The following SLC16A7 variants were observed in gnomAD, a reference collection of about 807,000 sequenced individuals.
The protein encoded by SLC16A7 is solute carrier family 16 member 7.
In SLC16A7, 33 loss-of-function variants were observed where a neutral mutation model predicts 34.9. The ratio of observed to expected loss-of-function variants is 0.94; its 90% CI spans 0.72 to 1.26. The LOEUF (loss-of-function observed/expected upper bound fraction) is 1.26, where lower values mean the gene tolerates loss of function less well. Among genes scored for constraint, SLC16A7 ranks in the 50% most tolerant of loss-of-function variants. The pLI, the probability that SLC16A7 is intolerant of heterozygous loss-of-function variation, is 0.00. For missense variants in SLC16A7, 573 were observed against 578.1 expected (o/e 0.99, Z 0.09); for synonymous variants, 201 against 206.6 (o/e 0.97, Z 0.23).
chr12:59,611,015 A>T (rs1879168762), intron 1 of SLC16A7, among the ~76,000 whole-genome samples: 1 of 152,180 alleles, frequency 6.6e-6, no homozygotes. Context: ...TGATTCACAG[A>T]TAGCAGTGTT....
chr12:59,688,271 A>G (rs939182927), intron 2 of SLC16A7, among the ~76,000 whole-genome samples: 3 of 152,060 alleles, frequency 2.0e-5, no homozygotes, highest in Non-Finnish European at 4.4e-5. Flanking sequence ...GAAAGCCATT[A>G]TTAGAACAAG....
At chr12:59,778,419 A>G (rs1436881213) in intron 5 of SLC16A7, among the ~76,000 whole-genome samples, 1 of 152,164 alleles carries the variant, frequency 6.6e-6, no homozygotes, top group Non-Finnish European at 1.5e-5. Context: ...TCTAGGGAGA[A>G]TGCTATGGAT....
intron 3 of SLC16A7, among the ~76,000 whole-genome samples, chr12:59,749,099 A>G (rs568843895): frequency 3.9e-5 from 6 of 152,274 alleles, no homozygotes; most frequent in East Asian, 3.9e-4. Context: ...TAGTTTGGGG[A>G]AAAAAATGCC....
At chr12:59,651,614 G>T (rs1868343393) in intron 1 of SLC16A7, among the ~76,000 whole-genome samples, 1 of 152,088 alleles carries the variant, frequency 6.6e-6, no homozygotes, top group Non-Finnish European at 1.5e-5. Flanking sequence ...TTTGCTTTTG[G>T]ACATCTAAGA....
chr12:59,641,251 C>A (rs1335128652), intron 1 of SLC16A7, among the ~76,000 whole-genome samples: 3 of 152,002 alleles, frequency 2.0e-5, no homozygotes, highest in East Asian at 3.9e-4. Flanking sequence ...TTCTTATAAT[C>A]CTTTTTAAAT....
intron 1 of SLC16A7, among the ~76,000 whole-genome samples, chr12:59,627,185 G>C (rs1277220977): frequency 6.6e-6 from 1 of 151,802 alleles, no homozygotes; most frequent in Non-Finnish European, 1.5e-5. Context: ...TGGAACCCAA[G>C]AGAGTTTATG....
chr12:59,609,514 G>A (rs1482144038), intron 1 of SLC16A7, among the ~76,000 whole-genome samples: 2 of 146,780 alleles, frequency 1.4e-5, no homozygotes, highest in Admixed American at 1.4e-4. Flanking sequence ...GGGTCGGGGG[G>A]CATAGGTAGA....
At position 59,672,323 on chromosome 12, in the gene SLC16A7, C is replaced by G. The variant is rs145273577; in HGVS notation, c.-31+17073C>G. ...ATATATATTCTCAGGTGTTGATGAG[C>G]AACAGTTTTATTTTTGAGTAAGTTT... is the stretch of plus-strand genomic sequence containing the variant. On this transcript the variant is annotated intron_variant, in intron 2 of 5. Coordinates refer to ENST00000547379, the MANE Select transcript of SLC16A7 (RefSeq NM_001270623.2). Among the ~76,000 whole-genome samples, 340 of 146,706 alleles carry G rather than the reference C, an allele frequency of 2.3e-3. 1 individual carries two copies. The highest frequency in any genetic ancestry group is 8.0e-3 in the African/African-American group (320 of 40,152).
intron 3 of SLC16A7, among the ~76,000 whole-genome samples, chr12:59,753,914 A>C (rs1331742117): frequency 4.6e-5 from 7 of 152,280 alleles, no homozygotes; most frequent in South Asian, 4.1e-4. Context: ...GTCTCTCAGA[A>C]CACAGTGCAA....
rs185768331 is a variant in SLC16A7, at chr12:59,762,422, G to C, written c.218-8797G>C. 1.4e-3 allele frequency among the ~76,000 whole-genome samples: 212 copies of C among 151,672 alleles called. 1 individual carries two copies. The highest frequency in any genetic ancestry group is 6.8e-3 in the Middle Eastern group (2 of 292). ...ATGACACATTGTGAATTGAATGAAA[G>C]GTCTTATAAAATTCTGAAAAGCTGT... is the stretch of plus-strand genomic sequence containing the variant. On this transcript the variant is annotated intron_variant, in intron 3 of 5. Coordinates refer to ENST00000547379, the MANE Select transcript of SLC16A7 (RefSeq NM_001270623.2).
rs560192596 is a variant in SLC16A7, at chr12:59,749,868, A to G, written c.218-21351A>G. Among the ~76,000 whole-genome samples the G allele has an allele frequency of 7.2e-5, 11 of 152,346 alleles. No individual in the cohort carries two copies. In the East Asian group the frequency reaches 2.1e-3, roughly 29 times the overall value. On this transcript the variant is annotated intron_variant, in intron 3 of 5. Coordinates refer to ENST00000547379, the MANE Select transcript of SLC16A7 (RefSeq NM_001270623.2). ...TTCAAGAGATAATAAAAATCACACC[A>G]GAGTAATTAGTAGAAGCTGACTTGA...
At chr12:59,723,378 A>C (rs981437454) in intron 3 of SLC16A7, among the ~76,000 whole-genome samples, 3 of 151,952 alleles carry the variant, frequency 2.0e-5, no homozygotes, top group African/African-American at 4.8e-5. Context: ...ATTATGGTAG[A>C]TATTGATGTA....
rs117655026 is a variant in SLC16A7 at position 59,727,191 on chromosome 12, G to A, written c.217+22173G>A. On this transcript the variant is annotated intron_variant, in intron 3 of 5. Transcript: ENST00000547379. ...ATATAATATATATATGTTGTATTTAGAAGGAGTAAAACTACATATTCAGAT... is the reference window on the plus strand; with the variant it reads ...ATATAATATATATATGTTGTATTTAAAAGGAGTAAAACTACATATTCAGAT... 5.8e-3 allele frequency among the ~76,000 whole-genome samples: 805 copies of A among 138,952 alleles called. 5 individuals carry two copies. The highest frequency in any genetic ancestry group is 0.012 in the Middle Eastern group (3 of 246). 91.2% of individuals were successfully genotyped at this position (138,952 alleles called of 152,430 possible). A position where few individuals can be genotyped will look rare whatever the true frequency, so the allele number is the denominator to read the frequency against.
chr12:59,727,591 T>C (rs1876439929), intron 3 of SLC16A7, among the ~76,000 whole-genome samples: 1 of 152,138 alleles, frequency 6.6e-6, no homozygotes, highest in Non-Finnish European at 1.5e-5. Flanking sequence ...AAGGAGTTGT[T>C]GTAAGAATTA....
intron 3 of SLC16A7, among the ~76,000 whole-genome samples, chr12:59,757,272 T>C (rs184095489): frequency 4.0e-5 from 6 of 150,326 alleles, no homozygotes; most frequent in Non-Finnish European, 7.4e-5. Flanking sequence ...TAAAATAAAA[T>C]AAAATAAAAA....
intron 3 of SLC16A7, among the ~76,000 whole-genome samples, chr12:59,764,246 G>A (rs1436290127): frequency 6.6e-6 from 1 of 152,150 alleles, no homozygotes; most frequent in Non-Finnish European, 1.5e-5. Context: ...GCCTAATCCA[G>A]AGCAGGGCCC....
intron 3 of SLC16A7, among the ~76,000 whole-genome samples, chr12:59,722,519 T>TG (rs1296646345): frequency 1.3e-5 from 2 of 151,904 alleles, no homozygotes; most frequent in Non-Finnish European, 2.9e-5. Context: ...TCCCTGAACC[T>TG]GTCTTCTGTT....
At chr12:59,664,039 A>G (rs536696167) in intron 2 of SLC16A7, among the ~76,000 whole-genome samples, 3 of 152,052 alleles carry the variant, frequency 2.0e-5, no homozygotes, top group Non-Finnish European at 4.4e-5. Flanking sequence ...ATAGAGAGGA[A>G]CATGAGCCTC....
At chr12:59,621,955 A>G (rs1233681505) in intron 1 of SLC16A7, among the ~76,000 whole-genome samples, 3 of 151,730 alleles carry the variant, frequency 2.0e-5, no homozygotes, top group African/African-American at 7.3e-5. Flanking sequence ...CCACCCTCCA[A>G]TCACGCACAC....
Sources: gnomAD v4.1 joint callset for allele counts (sites outside exome capture counted in the v4.1 genomes callset) on GRCh38, gnomAD v4.1.1 for gene constraint, MANE v1.5 for transcripts, NCBI Gene and HGNC (gene_info 2026-07-23, HGNC 2026-07-21) for gene names.